Variants in CNTLN observed in about 807,000 individuals in gnomAD.
The protein encoded by CNTLN is centlein, centrosomal protein.
In CNTLN, 212 loss-of-function variants were observed where a neutral mutation model predicts 180.0. That is an observed-to-expected ratio of 1.18 (90% CI 1.05 to 1.32). The LOEUF (loss-of-function observed/expected upper bound fraction) is 1.32. CNTLN is among the 40% of genes most tolerant of loss of function. The probability of loss-of-function intolerance (pLI) is 0.00; values close to 1 mark genes in which losing one functional copy is unlikely to be tolerated. For missense variants in CNTLN, 2,095 were observed against 1,610.9 expected, an observed-to-expected ratio of 1.30 and a Z score of -5.14; for synonymous variants, 722 against 563.1, an observed-to-expected ratio of 1.28 and a Z score of -3.99.
chr9:17,515,157 G>A, the CNTLN span, among the ~76,000 whole-genome samples: 2 of 151,984 alleles, frequency 1.3e-5, no homozygotes, highest in African/African-American at 4.8e-5. Flanking sequence ...TACTTCATCC[G>A]TCAGCAACAT....
chr9:17,220,266 A>C (rs1824043292), intron 2 of CNTLN, among the ~76,000 whole-genome samples: 1 of 151,970 alleles, frequency 6.6e-6, no homozygotes. Context: ...AAGCTGTAAT[A>C]ATGCTTTTGT....
At chr9:17,484,695 T>C (rs762936417) in intron 24 of CNTLN, among the ~76,000 whole-genome samples, 2 of 152,108 alleles carry the variant, frequency 1.3e-5, no homozygotes, top group Non-Finnish European at 2.9e-5. Context: ...AATAAGCTAG[T>C]ACTTATAACC....
In CNTLN at chr9:17,192,299, C is replaced by T. The variant is rs374921438; in HGVS notation, c.450-33904C>T. 2.2e-4 allele frequency among the ~76,000 whole-genome samples: 31 copies of T among 141,904 alleles called. No individual in the cohort carries two copies. The East Asian group carries it at 2.6e-3, about 12-fold the overall frequency. The allele number at this position is 141,904 out of a possible 152,430, so 93.1% of individuals were successfully genotyped here. A position where few individuals can be genotyped will look rare whatever the true frequency, so the allele number is the denominator to read the frequency against. On this transcript the variant is annotated intron_variant, in intron 2 of 25. Transcript: ENST00000380647. ...TGTCACCCAGGCCAGAGTTCAGTGG[C>T]GCCATCTCGGCTCACTGCAAACTCT...
At position 17,407,924 on chromosome 9, in the gene CNTLN, G is replaced by A. The variant is rs113066413; in HGVS notation, c.2616-1369G>A. Among the ~76,000 whole-genome samples, 904 of 151,902 alleles carry A rather than the reference G, an allele frequency of 6.0e-3. 3 individuals carry two copies. The highest frequency in any genetic ancestry group is 0.011 in the Admixed American group (167 of 15,240). On this transcript the variant is annotated intron_variant, in intron 15 of 25. Coordinates refer to ENST00000380647, the MANE Select transcript of CNTLN (RefSeq NM_017738.4). ...GTGGATTACCTGAGGTCAGGAGTTC[G>A]AGACCAGCCTGACCAACATGGTGAA...
intron 2 of CNTLN, among the ~76,000 whole-genome samples, chr9:17,205,912 G>T (rs1822887436): frequency 6.6e-6 from 1 of 152,192 alleles, no homozygotes; most frequent in Non-Finnish European, 1.5e-5. Context: ...AAATGCAGAT[G>T]AATGGATTAC....
intron 13 of CNTLN, among the ~76,000 whole-genome samples, chr9:17,369,157 G>C (rs1378690087): frequency 1.3e-5 from 2 of 152,126 alleles, no homozygotes; most frequent in East Asian, 3.9e-4. Flanking sequence ...ATGATAGTGA[G>C]TGAGTTCTCA....
chr9:17,190,442 T>C (rs1035167993), intron 2 of CNTLN, among the ~76,000 whole-genome samples: 16 of 152,042 alleles, frequency 1.1e-4, no homozygotes, highest in Admixed American at 9.2e-4. Context: ...AATTGTACCA[T>C]GAAAGGATTT....
intron 12 of CNTLN, among the ~76,000 whole-genome samples, chr9:17,358,131 ATGT>A (rs1195709989): frequency 2.7e-4 from 41 of 152,094 alleles, no homozygotes; most frequent in Admixed American, 1.1e-3. Context: ...GATTCTTATG[ATGT>A]TTTTAAAGGT....
intron 2 of CNTLN, among the ~76,000 whole-genome samples, chr9:17,164,130 G>T (rs1479988773): frequency 6.6e-6 from 1 of 151,734 alleles, no homozygotes; most frequent in Non-Finnish European, 1.5e-5. Flanking sequence ...TGTCCAACAT[G>T]GCGAAAACCC....
intron 2 of CNTLN, among the ~76,000 whole-genome samples, chr9:17,214,571 C>A (rs867769475): frequency 2.0e-5 from 3 of 152,098 alleles, no homozygotes; most frequent in African/African-American, 7.2e-5. Flanking sequence ...TTGTGGCGTT[C>A]TCTGTATTTC....
chr9:17,267,061 G>T (rs1587413785), intron 5 of CNTLN, among the ~76,000 whole-genome samples: 1 of 152,100 alleles, frequency 6.6e-6, no homozygotes, highest in Non-Finnish European at 1.5e-5. Context: ...GTTGTTATGT[G>T]TGAATTTGGG....
chr9:17,520,433 GC>G, the CNTLN span, among the ~76,000 whole-genome samples: 8 of 152,196 alleles, frequency 5.3e-5, no homozygotes, highest in Non-Finnish European at 1.5e-5. Flanking sequence ...AGGAAGGGAA[GC>G]TGTTCTGGCC....
intron 6 of CNTLN, among the ~76,000 whole-genome samples, chr9:17,290,186 T>C (rs958582197): frequency 2.6e-5 from 4 of 152,102 alleles, no homozygotes; most frequent in Admixed American, 1.3e-4. Flanking sequence ...GATGGGTTTT[T>C]GGTGTGGATG....
intron 5 of CNTLN, among the ~76,000 whole-genome samples, chr9:17,263,800 T>C (rs1171534901): frequency 6.9e-6 from 1 of 144,654 alleles, no homozygotes; most frequent in Admixed American, 6.9e-5. Flanking sequence ...CCAGTGATGA[T>C]GAGCATTTTT....
intron 8 of CNTLN, among the ~76,000 whole-genome samples, chr9:17,312,365 T>TATAATATATATATATATA (rs1563984875): frequency 6.9e-4 from 5 of 7,214 alleles, no homozygotes; most frequent in African/African-American, 1.1e-3. Context: ...ATATATATAT[T>TATAATATATATATATATA]ATATATATAT....
At chr9:17,155,417 A>T (rs1017434353) in intron 2 of CNTLN, among the ~76,000 whole-genome samples, 1 of 152,186 alleles carries the variant, frequency 6.6e-6, no homozygotes, top group East Asian at 1.9e-4. Context: ...TAAGTCTGCT[A>T]TAAGCCCCTG....
chr9:17,396,566 A>G (rs1826541508), intron 15 of CNTLN, among the ~76,000 whole-genome samples: 2 of 151,918 alleles, frequency 1.3e-5, no homozygotes, highest in Admixed American at 1.3e-4. Context: ...TCTGTTTTAG[A>G]TTTGGGATGC....
intron 5 of CNTLN, among the ~76,000 whole-genome samples, chr9:17,270,927 A>C (rs1052938358): frequency 5.5e-5 from 8 of 146,596 alleles, no homozygotes; most frequent in African/African-American, 7.7e-5. Context: ...TATCAAGGGC[A>C]TTTCCTTCAG....
chr9:17,321,284 T>C (rs1433635293), intron 8 of CNTLN, among the ~76,000 whole-genome samples: 1 of 152,214 alleles, frequency 6.6e-6, no homozygotes, highest in Non-Finnish European at 1.5e-5. Context: ...GAGACCTTTT[T>C]TTGAAGACTT....
Sources: allele counts gnomAD v4.1 joint callset (sites outside exome capture counted in the v4.1 genomes callset), GRCh38; gene constraint gnomAD v4.1.1; transcripts MANE v1.5; gene names NCBI Gene and HGNC (gene_info 2026-07-23, HGNC 2026-07-21).